The following CHN1 variants were observed in gnomAD, a reference collection of about 807,000 sequenced individuals.
CHN1 encodes N-chimaerin.
A neutral mutation model predicts 59.5 loss-of-function variants in CHN1; 37 were observed. That is an observed-to-expected ratio of 0.62 (90% CI 0.48 to 0.82). CHN1 has a LOEUF of 0.82. Ranked by LOEUF, CHN1 falls within the 40% of genes least tolerant of loss-of-function variation. The probability of loss-of-function intolerance (pLI) is 0.00; values close to 1 mark genes in which losing one functional copy is unlikely to be tolerated. For missense variants in CHN1, 469 were observed against 571.0 expected, an observed-to-expected ratio of 0.82 and a Z score of 1.82; for synonymous variants, 206 against 200.4, an observed-to-expected ratio of 1.03 and a Z score of -0.24.
At chr2:174,978,579 C>A (rs576834857) in intron 1 of CHN1, among the ~76,000 whole-genome samples, 4 of 152,222 alleles carry the variant, frequency 2.6e-5, no homozygotes, top group Admixed American at 6.5e-5. Flanking sequence ...CTTTGCCCTG[C>A]ACCACATTGA....
intron 1 of CHN1, among the ~76,000 whole-genome samples, chr2:174,974,012 C>T (rs936476968): frequency 1.3e-5 from 2 of 152,130 alleles, no homozygotes; most frequent in East Asian, 3.9e-4. Flanking sequence ...AGATATCATA[C>T]TTTAAAGAAT....
chr2:174,886,775 C>T (rs1244942703), intron 5 of CHN1, among the ~76,000 whole-genome samples: 3 of 152,032 alleles, frequency 2.0e-5, no homozygotes, highest in Middle Eastern at 3.2e-3. Flanking sequence ...AGGTTTAGGA[C>T]TTAGTGTTCA....
At chr2:174,822,028 A>G (rs79494623) in intron 8 of CHN1, among the ~76,000 whole-genome samples, 2,344 of 152,300 alleles carry the variant, frequency 0.015, 58 homozygotes, top group African/African-American at 0.053. Context: ...TTGGATTTAG[A>G]TAGTCAAAGG....
rs1267662134 is a variant in CHN1, at chr2:174,892,976, TA to T, written c.261-14849del. 2.0e-5 allele frequency among the ~76,000 whole-genome samples: 3 copies of T among 152,110 alleles called. No homozygotes were observed. The East Asian group carries it at 5.8e-4, about 29-fold the overall frequency. On this transcript the variant is annotated intron_variant, in intron 5 of 12. Coordinates refer to ENST00000409900, the MANE Select transcript of CHN1 (RefSeq NM_001822.7). ...GGAATAGAAGGAAATTACCTCAGTA[TA>T]AAAGGGTTATAGATAAAAAGCCCTC... is the stretch of plus-strand genomic sequence containing the variant.
Position 174,799,255 on chromosome 2 carries a change from A to C in CHN1, c.*861T>G. On this transcript the variant is annotated 3_prime_UTR_variant, in exon 13 of 13. Transcript: ENST00000409900. The stretch of plus-strand genomic sequence containing the variant: ...TGGAATTAATGGTTGTTCTAACTGT[A>C]AGCAGTTTTAAATGATTATTTTAGA... 1 of 278,778 alleles carries C rather than the reference A, an allele frequency of 3.6e-6. No individual in the cohort carries two copies. The highest frequency in any genetic ancestry group is 7.0e-6 in the Non-Finnish European group (1 of 142,502). The allele number at this position is 278,778 out of a possible 1,614,324, so 17.3% of individuals were successfully genotyped here. A position where few individuals can be genotyped will look rare whatever the true frequency, so the allele number is the denominator to read the frequency against.
At chr2:174,941,036 A>G (rs1300209475) in intron 3 of CHN1, among the ~76,000 whole-genome samples, 1 of 152,106 alleles carries the variant, frequency 6.6e-6, no homozygotes, top group Admixed American at 6.5e-5. Flanking sequence ...TTTTAATTTT[A>G]AAGTATAATT....
At chr2:174,875,102 G>A (rs1424020931) in intron 6 of CHN1, among the ~76,000 whole-genome samples, 1 of 152,000 alleles carries the variant, frequency 6.6e-6, no homozygotes, top group Non-Finnish European at 1.5e-5. Context: ...TTGAATGCCT[G>A]ACCTCAGGTG....
At position 174,841,438 on chromosome 2, in the gene CHN1, A is replaced by G. The variant is rs141447740; in HGVS notation, c.627+5442T>C. The stretch of plus-strand genomic sequence containing the variant: ...CTATAATAGGCAGCAACAGAAATAC[A>G]ATGTTTACAGGGACTTTAAAGATGA... On this transcript the variant is annotated intron_variant, in intron 7 of 12. Transcript: ENST00000409900. 8.9e-3 allele frequency among the ~76,000 whole-genome samples: 1,353 copies of G among 152,306 alleles called. 27 individuals are homozygous for G. Among genetic ancestry groups the G allele is most frequent in the African/African-American group, 0.031 (1,279 of 41,574 alleles).
At chr2:174,810,081 T>C (rs1299386765) in intron 10 of CHN1, among the ~76,000 whole-genome samples, 1 of 152,244 alleles carries the variant, frequency 6.6e-6, no homozygotes, top group East Asian at 1.9e-4. Flanking sequence ...ATCTCATTAC[T>C]TGAGGTTTAT....
chr2:174,973,538 A>C (rs1166221030), intron 1 of CHN1, among the ~76,000 whole-genome samples: 1 of 152,254 alleles, frequency 6.6e-6, no homozygotes, highest in East Asian at 1.9e-4. Flanking sequence ...AAAGTGATGA[A>C]GAAGCAGCAG....
At chr2:174,890,242 C>A (rs1688007359) in intron 5 of CHN1, among the ~76,000 whole-genome samples, 1 of 152,086 alleles carries the variant, frequency 6.6e-6, no homozygotes, top group Non-Finnish European at 1.5e-5. Flanking sequence ...ATACACCATG[C>A]AAATGGTAAC....
intron 1 of CHN1, among the ~76,000 whole-genome samples, chr2:174,964,354 G>A (rs1690529408): frequency 2.0e-5 from 3 of 152,200 alleles, no homozygotes; most frequent in Non-Finnish European, 2.9e-5. Flanking sequence ...ACCAGGAGGA[G>A]AAAGGCCTCT....
chr2:174,811,545 G>A lies in CHN1; in HGVS notation c.930C>T (p.Asp310=), dbSNP rs754104901. 3.1e-6 allele frequency: 5 copies of A among 1,611,788 alleles called. No homozygotes were observed. Among genetic ancestry groups the A allele is most frequent in the Non-Finnish European group, 4.2e-6 (5 of 1,178,670 alleles). ...AAGCCATCTTGACATCTTCAATTAG[G>A]TCACTAAATCCTGATACTCGGTATA... The part of the protein sequence containing the change: ...EGLYRVSGFS[D]LIEDVKMAFD... The change falls in exon 10 of 13, where the codon GAC becomes GAT. Residue 310 remains aspartate, a synonymous_variant. Coordinates refer to ENST00000409900, the MANE Select transcript of CHN1 (RefSeq NM_001822.7).
chr2:174,860,758 C>T (rs193149324), intron 6 of CHN1, among the ~76,000 whole-genome samples: 246 of 152,166 alleles, frequency 1.6e-3, no homozygotes, highest in Non-Finnish European at 1.5e-3. Flanking sequence ...TGAATTTGTC[C>T]GTGAAATCTA....
chr2:174,803,451 G>T (rs1330770492), intron 11 of CHN1, among the ~76,000 whole-genome samples: 1 of 152,140 alleles, frequency 6.6e-6, no homozygotes, highest in Non-Finnish European at 1.5e-5. Flanking sequence ...GAACTTTGGG[G>T]CCTTTAAAAA....
intron 3 of CHN1, among the ~76,000 whole-genome samples, chr2:174,934,856 C>T (rs898304198): frequency 6.6e-6 from 1 of 152,096 alleles, no homozygotes; most frequent in African/African-American, 2.4e-5. Context: ...TTAAATATTC[C>T]CCTTTCCTAA....
rs930883191 is a variant in CHN1 at position 174,807,142 on chromosome 2, G to C, written c.1102+1763C>G. On this transcript the variant is annotated intron_variant, in intron 11 of 12. Transcript: ENST00000409900. Reference sequence around the variant, plus strand: ...ATTTGGAAGGATAATAAAAAGGAGAGATTTTCTTCAGCAGCTAAGGTGGGT... The same window carrying C: ...ATTTGGAAGGATAATAAAAAGGAGACATTTTCTTCAGCAGCTAAGGTGGGT... Among the ~76,000 whole-genome samples the C allele has an allele frequency of 2.0e-5, 3 of 152,190 alleles. No homozygotes were observed. In the South Asian group the frequency reaches 6.2e-4, roughly 31 times the overall value.
At chr2:174,981,795 A>AT (rs531659079) in intron 1 of CHN1, among the ~76,000 whole-genome samples, 11 of 150,638 alleles carry the variant, frequency 7.3e-5, no homozygotes, top group Non-Finnish European at 8.9e-5. Flanking sequence ...ATACACACGA[A>AT]TTTTTTTTTT....
chr2:174,975,148 C>A (rs1222193155), intron 1 of CHN1, among the ~76,000 whole-genome samples: 6 of 152,222 alleles, frequency 3.9e-5, no homozygotes, highest in African/African-American at 1.4e-4. Context: ...AAAAAGCTGA[C>A]ACAATCATAA....
Sources: allele counts gnomAD v4.1 joint callset (sites outside exome capture counted in the v4.1 genomes callset), GRCh38; gene constraint gnomAD v4.1.1; transcripts MANE v1.5; gene names NCBI Gene and HGNC (gene_info 2026-07-23, HGNC 2026-07-21).